The following ESR1 variants were observed in gnomAD, a reference collection of about 807,000 sequenced individuals.
ESR1 encodes the protein estrogen receptor 1, also known as estrogen receptor.
ESR1 carries 12 observed loss-of-function variants against 52.7 expected under a neutral mutation model. The ratio of observed to expected loss-of-function variants is 0.23; its 90% CI spans 0.15 to 0.37. The LOEUF is 0.37. Among genes scored for constraint, ESR1 ranks in the 10% least tolerant of loss-of-function variants. The pLI is 1.00. For synonymous variants in ESR1, 305 were observed against 316.8 expected (o/e 0.96, Z 0.39); for missense variants, 584 against 779.7 (o/e 0.75, Z 2.99).
intron 4 of ESR1, among the ~76,000 whole-genome samples, chr6:151,993,451 T>C (rs139911968): frequency 6.6e-4 from 100 of 152,220 alleles, no homozygotes; most frequent in African/African-American, 2.4e-3. Context: ...TTCTCAAAAG[T>C]CACAGCTTTC....
chr6:151,754,179 G>A lies in ESR1; in HGVS notation c.-71+52174G>A, dbSNP rs920434218. 2.6e-5 allele frequency among the ~76,000 whole-genome samples: 4 copies of A among 152,220 alleles called. No individual in the cohort carries two copies. In the South Asian group the frequency reaches 6.2e-4, roughly 24 times the overall value. On this transcript the variant is annotated intron_variant, in intron 2 of 2. Coordinates refer to the ESR1 transcript ENST00000404742. Reference sequence around the variant, plus strand: ...GTTATAATTTGGAAAAGAAGCAAACGTTTATTTTAAATTAAGAAAAAAGTC... The same window carrying A: ...GTTATAATTTGGAAAAGAAGCAAACATTTATTTTAAATTAAGAAAAAAGTC...
At chr6:151,847,092 A>G (rs1355755791) in intron 2 of ESR1, among the ~76,000 whole-genome samples, 1 of 152,236 alleles carries the variant, frequency 6.6e-6, no homozygotes, top group African/African-American at 2.4e-5. Context: ...TCAGACAGAC[A>G]TAGCCCAGGC....
At chr6:151,709,545 T>C (rs1780430219) in intron 2 of ESR1, among the ~76,000 whole-genome samples, 1 of 152,328 alleles carries the variant, frequency 6.6e-6, no homozygotes, top group African/African-American at 2.4e-5. Context: ...ATTACTGTTT[T>C]CCATAGTGGC....
intron 2 of ESR1, among the ~76,000 whole-genome samples, chr6:151,865,179 A>C (rs188926561): frequency 6.6e-6 from 1 of 152,038 alleles, no homozygotes; most frequent in Admixed American, 6.6e-5. Flanking sequence ...ACACACACAC[A>C]CCCCACACAT....
At chr6:151,915,537 A>C (rs945823282) in intron 3 of ESR1, among the ~76,000 whole-genome samples, 2 of 152,184 alleles carry the variant, frequency 1.3e-5, no homozygotes, top group African/African-American at 4.8e-5. Context: ...CTAGAAATGG[A>C]TACAGGTGTA....
chr6:151,775,733 G>A (rs534061210), intron 2 of ESR1, among the ~76,000 whole-genome samples: 5 of 147,388 alleles, frequency 3.4e-5, no homozygotes, highest in African/African-American at 1.0e-4. Flanking sequence ...GTGACAAATC[G>A]AGACTCCGTC....
intron 3 of ESR1, among the ~76,000 whole-genome samples, chr6:151,911,460 A>G (rs983758933): frequency 2.6e-5 from 4 of 152,180 alleles, no homozygotes; most frequent in African/African-American, 9.7e-5. Context: ...TTTATTCTCA[A>G]TGAGTCTTCC....
At chr6:151,857,567 C>T (rs907378586) in intron 2 of ESR1, among the ~76,000 whole-genome samples, 22 of 151,890 alleles carry the variant, frequency 1.4e-4, no homozygotes, top group Non-Finnish European at 8.8e-5. Context: ...CTCGCTCTGT[C>T]GCCCAAGCTG....
intron 2 of ESR1, among the ~76,000 whole-genome samples, chr6:151,778,942 GT>G (rs35801479): frequency 0.42 from 63,363 of 150,478 alleles, 13,574 homozygotes; most frequent in Non-Finnish European, 0.46. Context: ...AAGAAAGCCT[GT>G]TTTTTTTTTC....
rs1386194886 is a variant in ESR1 at position 152,102,699 on chromosome 6, AGT to A, written c.*3734_*3735del. On this transcript the variant is annotated 3_prime_UTR_variant, in exon 8 of 8. Coordinates refer to ENST00000206249, the MANE Select transcript of ESR1 (RefSeq NM_000125.4). ...TTTAGTCATTTAAAATTGTTTTCTA[AGT>A]AATTGCTGCCTCTATTATGGCACTT... The A allele has an allele frequency of 9.1e-6, 2 of 219,580 alleles. No homozygotes were observed. Among genetic ancestry groups the A allele is most frequent in the African/African-American group, 4.5e-5 (2 of 44,568 alleles). The allele number at this position is 219,580 out of a possible 1,614,324, so 13.6% of individuals were successfully genotyped here. A position where few individuals can be genotyped will look rare whatever the true frequency, so the allele number is the denominator to read the frequency against.
chr6:152,073,806 G>A lies in ESR1; in HGVS notation c.1369+12682G>A, dbSNP rs527917166. On this transcript the variant is annotated intron_variant, in intron 6 of 7. Coordinates refer to ENST00000206249, the MANE Select transcript of ESR1 (RefSeq NM_000125.4). ...CAGGCAAGTCCAGGCTAGCGGCCCC[G>A]CCTCAAGCCCCTCCAGATGCAGCAT... 1.5e-4 allele frequency among the ~76,000 whole-genome samples: 23 copies of A among 152,204 alleles called. No individual in the cohort carries two copies. The East Asian group carries it at 3.3e-3, about 22-fold the overall frequency.
At chr6:151,970,912 C>T (rs1012518333) in intron 4 of ESR1, among the ~76,000 whole-genome samples, 1 of 152,192 alleles carries the variant, frequency 6.6e-6, no homozygotes, top group African/African-American at 2.4e-5. Flanking sequence ...TTCTCCACCT[C>T]TATCCCAATA....
chr6:152,004,429 C>T (rs1288895556), intron 4 of ESR1, among the ~76,000 whole-genome samples: 1 of 151,938 alleles, frequency 6.6e-6, no homozygotes, highest in Non-Finnish European at 1.5e-5. Flanking sequence ...GAGTTAGCCA[C>T]TCATCGTATT....
chr6:151,717,289 G>A (rs1781123915), intron 2 of ESR1, among the ~76,000 whole-genome samples: 1 of 152,234 alleles, frequency 6.6e-6, no homozygotes, highest in South Asian at 2.1e-4. Flanking sequence ...GCAGACTGGA[G>A]CTGTTCCTAT....
intron 4 of ESR1, among the ~76,000 whole-genome samples, chr6:151,994,669 C>T (rs987424667): frequency 3.9e-5 from 6 of 152,106 alleles, no homozygotes; most frequent in Admixed American, 3.3e-4. Context: ...GTCCAGGAAA[C>T]TGGATCAGAG....
At chr6:151,787,604 CA>C (rs1414984179) in intron 2 of ESR1, among the ~76,000 whole-genome samples, 4 of 152,026 alleles carry the variant, frequency 2.6e-5, no homozygotes, top group African/African-American at 9.7e-5. Flanking sequence ...TCTTTTGTGG[CA>C]ATTGTGAATG....
At chr6:152,066,332 G>A (rs1470591052) in intron 6 of ESR1, among the ~76,000 whole-genome samples, 1 of 152,184 alleles carries the variant, frequency 6.6e-6, no homozygotes, top group African/African-American at 2.4e-5. Flanking sequence ...ATGTTTTTAT[G>A]TTTAGAAATA....
At position 151,740,732 on chromosome 6, in the gene ESR1, C is replaced by T. The variant is rs572619434; in HGVS notation, c.-71+38727C>T. Among the ~76,000 whole-genome samples, 9 of 152,096 alleles carry T rather than the reference C, an allele frequency of 5.9e-5. No individual in the cohort carries two copies. The East Asian group carries it at 1.7e-3, about 29-fold the overall frequency. On this transcript the variant is annotated intron_variant, in intron 2 of 2. Transcript: ENST00000404742. ...ATCTATCTGCCTGTGTCTATGTTAA[C>T]CGTTCTTTGAATCTGATGCCCAATA...
At chr6:152,013,376 A>G (rs959804874) in intron 5 of ESR1, among the ~76,000 whole-genome samples, 4 of 152,114 alleles carry the variant, frequency 2.6e-5, no homozygotes, top group African/African-American at 9.7e-5. Context: ...AGTGTCTACC[A>G]TGTTTAGGTT....
Sources: gnomAD v4.1 joint callset for allele counts (sites outside exome capture counted in the v4.1 genomes callset) on GRCh38, gnomAD v4.1.1 for gene constraint, MANE v1.5 for transcripts, NCBI Gene and HGNC (gene_info 2026-07-23, HGNC 2026-07-21) for gene names.